The following SNX30 variants were observed in gnomAD, a reference collection of about 807,000 sequenced individuals.
The protein encoded by SNX30 is sorting nexin family member 30, also known as sorting nexin-30.
Under a neutral mutation model 46.4 loss-of-function variants are expected in SNX30, and 24 were observed. That is an observed-to-expected ratio of 0.52 (90% CI 0.37 to 0.73). SNX30 has a LOEUF of 0.73. Among genes scored for constraint, SNX30 ranks in the 30% least tolerant of loss-of-function variants. SNX30 has a pLI of 0.00. For synonymous variants in SNX30, 189 were observed against 211.5 expected, an observed-to-expected ratio of 0.89 and a Z score of 0.92; for missense variants, 533 against 555.7, an observed-to-expected ratio of 0.96 and a Z score of 0.41.
At chr9:112,810,629 C>G (rs1435783846) in intron 2 of SNX30, among the ~76,000 whole-genome samples, 1 of 151,922 alleles carries the variant, frequency 6.6e-6, no homozygotes, top group African/African-American at 2.4e-5. Context: ...TGGTGACGGT[C>G]TGGGAGAGGC....
chr9:112,838,349 T>G, intron 5 of SNX30, 149 bp from the exon 6 acceptor site: 1 of 609,680 alleles, frequency 1.6e-6, no homozygotes, highest in South Asian at 2.2e-5. Context: ...GAAACAGTGT[T>G]GTGTTTAAAG....
At chr9:112,764,037 C>G (rs1467026820) in intron 1 of SNX30, among the ~76,000 whole-genome samples, 1 of 152,086 alleles carries the variant, frequency 6.6e-6, no homozygotes, top group East Asian at 1.9e-4. Context: ...TCTCCTTTGT[C>G]ATTCCATGCC....
At chr9:112,752,309 C>T (rs1308400023) in intron 1 of SNX30, among the ~76,000 whole-genome samples, 9 of 152,150 alleles carry the variant, frequency 5.9e-5, no homozygotes, top group African/African-American at 2.2e-4. Context: ...GCATTAGGAA[C>T]AGGAAAATTA....
At chr9:112,841,474 G>A (rs148573490) in intron 6 of SNX30, among the ~76,000 whole-genome samples, 1 of 152,300 alleles carries the variant, frequency 6.6e-6, no homozygotes, top group East Asian at 1.9e-4. Flanking sequence ...TGAGTGAATG[G>A]GATTGATTGT....
chr9:112,782,713 G>C (rs1304815533), intron 1 of SNX30, among the ~76,000 whole-genome samples: 2 of 152,216 alleles, frequency 1.3e-5, no homozygotes, highest in Non-Finnish European at 2.9e-5. Context: ...TCAGTTTAGG[G>C]ATTGACATGG....
At chr9:112,759,402 G>A (rs1839404028) in intron 1 of SNX30, among the ~76,000 whole-genome samples, 2 of 152,030 alleles carry the variant, frequency 1.3e-5, no homozygotes, top group African/African-American at 4.8e-5. Context: ...TTAACCTCCT[G>A]CTTGAAATGC....
chr9:112,828,125 G>C (rs544416951), intron 3 of SNX30, among the ~76,000 whole-genome samples: 1 of 152,302 alleles, frequency 6.6e-6, no homozygotes, highest in Non-Finnish European at 1.5e-5. Flanking sequence ...ACATCAATAT[G>C]GATAAGTCGC....
intron 1 of SNX30, among the ~76,000 whole-genome samples, chr9:112,768,681 G>A (rs1054509232): frequency 3.1e-5 from 3 of 96,896 alleles, no homozygotes; most frequent in East Asian, 3.2e-4. Context: ...TTTTTGAGAC[G>A]GTCTTGCTCT....
chr9:112,753,592 AG>A (rs1839308060), intron 1 of SNX30, among the ~76,000 whole-genome samples: 1 of 152,196 alleles, frequency 6.6e-6, no homozygotes, highest in Admixed American at 6.5e-5. Flanking sequence ...CATGTTGGCC[AG>A]GCTAGTCTCG....
At chr9:112,784,579 C>G (rs1318300667) in intron 1 of SNX30, among the ~76,000 whole-genome samples, 2 of 152,144 alleles carry the variant, frequency 1.3e-5, no homozygotes, top group Admixed American at 6.5e-5. Flanking sequence ...TGTTCCGTGC[C>G]AGGAACACCT....
intron 3 of SNX30, among the ~76,000 whole-genome samples, chr9:112,827,586 AG>A (rs1338244369): frequency 1.3e-5 from 2 of 152,160 alleles, no homozygotes; most frequent in Non-Finnish European, 2.9e-5. Context: ...TTCTAAATCT[AG>A]GTTTACTAGG....
chr9:112,751,013 G>GC lies in SNX30; in HGVS notation c.18dup (p.Lys7GlnfsTer30). On this transcript the variant is annotated frameshift_variant, in exon 1 of 9. Coordinates refer to ENST00000374232, the MANE Select transcript of SNX30 (RefSeq NM_001012994.2). LOFTEE classifies it high-confidence loss of function. ...GAGCGGTGCGCGCCATGGCGGGCGGGCCCCCCAAGGCCCTGCCGTCCACGG... is the reference window on the plus strand; with the variant it reads ...GAGCGGTGCGCGCCATGGCGGGCGGGCCCCCCCAAGGCCCTGCCGTCCACGG... 2 of 1,293,296 alleles carry GC rather than the reference G, an allele frequency of 1.5e-6. No individual in the cohort carries two copies. Among genetic ancestry groups the GC allele is most frequent in the South Asian group, 2.4e-5 (1 of 41,998 alleles). 80.1% of individuals were successfully genotyped at this position (1,293,296 alleles called of 1,614,324 possible).
At chr9:112,834,524 G>A (rs1026725619) in intron 4 of SNX30, among the ~76,000 whole-genome samples, 5 of 152,150 alleles carry the variant, frequency 3.3e-5, no homozygotes, top group African/African-American at 1.2e-4. Context: ...GAACTTCCAT[G>A]CCCTCCCTGG....
At chr9:112,787,368 A>G (rs1441523514) in intron 1 of SNX30, among the ~76,000 whole-genome samples, 1 of 152,184 alleles carries the variant, frequency 6.6e-6, no homozygotes, top group Non-Finnish European at 1.5e-5. Flanking sequence ...TTTCCTTCTC[A>G]TTTAGCACAT....
chr9:112,804,303 C>T (rs1439426403), intron 1 of SNX30, among the ~76,000 whole-genome samples: 2 of 152,116 alleles, frequency 1.3e-5, no homozygotes, highest in East Asian at 3.9e-4. Context: ...TAGCTGGGAT[C>T]ACAGGCATGC....
At chr9:112,804,053 A>G (rs1840181880) in intron 1 of SNX30, among the ~76,000 whole-genome samples, 1 of 147,382 alleles carries the variant, frequency 6.8e-6, no homozygotes. Flanking sequence ...CCCTAGTGAG[A>G]TGAACCCGGT....
At position 112,751,127 on chromosome 9, in the gene SNX30, C is replaced by A; in HGVS notation, c.126C>A (p.Asp42Glu). 6.6e-7 allele frequency: 1 copy of A among 1,509,960 alleles called. No individual in the cohort carries two copies. Among genetic ancestry groups the A allele is most frequent in the Non-Finnish European group, 8.8e-7 (1 of 1,137,532 alleles). The allele number at this position is 1,509,960 out of a possible 1,614,324, so 93.5% of individuals were successfully genotyped here. A position where few individuals can be genotyped will look rare whatever the true frequency, so the allele number is the denominator to read the frequency against. Reference protein sequence around the residue: ...AVGGDSTPSPDLLMARSFGDK... With the variant: ...AVGGDSTPSPELLMARSFGDK... ...GTGGTGACAGCACGCCCAGCCCGGA[C>A]CTGCTGATGGCCCGCAGCTTCGGTG... The change falls in exon 1 of 9, where the codon GAC becomes GAA. Residue 42 changes from aspartate to glutamate, a missense_variant. Around this residue, in one of 3 missense-constraint regions of SNX30, gnomAD observed 191 missense variants for 160.3 expected, o/e 1.19. Coordinates refer to ENST00000374232, the MANE Select transcript of SNX30 (RefSeq NM_001012994.2).
intron 1 of SNX30, among the ~76,000 whole-genome samples, chr9:112,764,354 C>T (rs1839496502): frequency 6.6e-6 from 1 of 152,018 alleles, no homozygotes; most frequent in Admixed American, 6.6e-5. Flanking sequence ...AATTGGGAGA[C>T]CAATTAAGTG....
chr9:112,882,461 A>C (rs577936807), downstream of SNX30, among the ~76,000 whole-genome samples: 25 of 152,308 alleles, frequency 1.6e-4, no homozygotes, highest in African/African-American at 5.8e-4. Context: ...GGCTTTCAGC[A>C]GGTGAGGACA....
Sources: gnomAD v4.1 joint callset for allele counts (sites outside exome capture counted in the v4.1 genomes callset) on GRCh38, gnomAD v4.1.1 for gene constraint, gnomAD v4.1.1 regional missense constraint, MANE v1.5 for transcripts, NCBI Gene and HGNC (gene_info 2026-07-23, HGNC 2026-07-21) for gene names.